The following COLEC10 variants were observed in gnomAD, a reference collection of about 807,000 sequenced individuals.
The protein encoded by COLEC10 is collectin-10.
A neutral mutation model predicts 28.4 loss-of-function variants in COLEC10; 22 were observed. The ratio of observed to expected loss-of-function variants is 0.78; its 90% confidence interval spans 0.55 to 1.11. The LOEUF is 1.11. COLEC10 is among the 50% of genes least tolerant of loss of function. COLEC10 has a pLI of 0.00. For missense variants in COLEC10, 361 were observed against 344.1 expected, an observed-to-expected ratio of 1.05 and a Z score of -0.39; for synonymous variants, 125 against 116.1, an observed-to-expected ratio of 1.08 and a Z score of -0.49.
the COLEC10 span, among the ~76,000 whole-genome samples, chr8:118,965,363 A>G: frequency 2.0e-5 from 3 of 152,238 alleles, no homozygotes; most frequent in South Asian, 6.2e-4. Context: ...GATGACTGTC[A>G]AATCTCTTGG....
intron 1 of COLEC10, among the ~76,000 whole-genome samples, chr8:119,070,014 G>T (rs1485300): frequency 3.9e-4 from 60 of 152,020 alleles, no homozygotes; most frequent in Non-Finnish European, 5.9e-4. Context: ...TTGCAGAATG[G>T]CATTTGTGAA....
chr8:119,020,206 G>A (rs896919201), intron 2 of COLEC10, among the ~76,000 whole-genome samples: 17 of 152,144 alleles, frequency 1.1e-4, no homozygotes, highest in Middle Eastern at 6.8e-3. Flanking sequence ...ACGTTCCCTA[G>A]GGCCTAGTAT....
At chr8:119,093,685 G>T (rs938267539) in intron 3 of COLEC10, among the ~76,000 whole-genome samples, 3 of 152,176 alleles carry the variant, frequency 2.0e-5, no homozygotes, top group African/African-American at 4.8e-5. Context: ...CCCTAACAAG[G>T]CTTTTAAGAC....
intron 2 of COLEC10, among the ~76,000 whole-genome samples, chr8:119,019,220 A>G (rs939932260): frequency 6.6e-6 from 1 of 152,176 alleles, no homozygotes; most frequent in South Asian, 2.1e-4. Context: ...GCTTGAGTTG[A>G]AACAATATTC....
At chr8:118,961,860 A>G in the COLEC10 span, among the ~76,000 whole-genome samples, 1 of 152,206 alleles carries the variant, frequency 6.6e-6, no homozygotes, top group African/African-American at 2.4e-5. Context: ...ATATTTTTTA[A>G]TGCCCTACTC....
chr8:119,043,098 C>G (rs969121319), intron 2 of COLEC10, among the ~76,000 whole-genome samples: 13 of 152,098 alleles, frequency 8.5e-5, no homozygotes, highest in African/African-American at 3.1e-4. Flanking sequence ...GTGCCTGTGA[C>G]ACATGCAGAA....
chr8:119,043,159 A>T (rs2130158854), intron 2 of COLEC10, among the ~76,000 whole-genome samples: 1 of 152,338 alleles, frequency 6.6e-6, no homozygotes, highest in African/African-American at 2.4e-5. Context: ...TTATTAAACT[A>T]GATAAGGATC....
At chr8:119,015,089 G>T (rs894608034) in intron 2 of COLEC10, among the ~76,000 whole-genome samples, 11 of 150,968 alleles carry the variant, frequency 7.3e-5, no homozygotes, top group Non-Finnish European at 1.5e-4. Context: ...TGTTTTAACT[G>T]TTTCTTCAAA....
the COLEC10 span, among the ~76,000 whole-genome samples, chr8:118,962,906 T>G: frequency 1.3e-5 from 2 of 152,252 alleles, no homozygotes; most frequent in Non-Finnish European, 2.9e-5. Context: ...CATTCTCATA[T>G]TCAGTTAACA....
chr8:118,962,362 A>T, the COLEC10 span, among the ~76,000 whole-genome samples: 3 of 152,218 alleles, frequency 2.0e-5, no homozygotes, highest in Non-Finnish European at 4.4e-5. Flanking sequence ...CGTCTAGTGT[A>T]TTCATCACCA....
At chr8:119,010,777 G>A (rs1018438644) in intron 2 of COLEC10, among the ~76,000 whole-genome samples, 1 of 150,980 alleles carries the variant, frequency 6.6e-6, no homozygotes, top group African/African-American at 2.5e-5. Context: ...CTTTTCATAT[G>A]GTAATTTGCC....
rs186408874 is a variant in COLEC10, at chr8:119,031,337, C to G, written n.235+21784C>G. Reference sequence around the variant, plus strand: ...ATCAACCCTCTGGCCAAGAAAATGACAATTACAGGAGGAAAGAGACAAGTA... The same window carrying G: ...ATCAACCCTCTGGCCAAGAAAATGAGAATTACAGGAGGAAAGAGACAAGTA... On this transcript the variant is annotated intron_variant and non_coding_transcript_variant, in intron 2 of 6. Transcript: ENST00000521788. Among the ~76,000 whole-genome samples the G allele has an allele frequency of 2.6e-3, 390 of 152,144 alleles. 3 individuals carry two copies. The highest frequency in any genetic ancestry group is 9.1e-3 in the African/African-American group (376 of 41,510).
intron 2 of COLEC10, among the ~76,000 whole-genome samples, chr8:119,020,851 T>C (rs979961246): frequency 6.6e-6 from 1 of 152,176 alleles, no homozygotes; most frequent in African/African-American, 2.4e-5. Flanking sequence ...TATTATGCTA[T>C]ATTTAAATTT....
chr8:119,034,909 A>G (rs533652947), intron 2 of COLEC10, among the ~76,000 whole-genome samples: 16 of 152,190 alleles, frequency 1.1e-4, no homozygotes, highest in Non-Finnish European at 2.2e-4. Flanking sequence ...ATGCAATAAT[A>G]TAGGTATTTA....
At chr8:119,096,698 A>G (rs1240177416) in intron 3 of COLEC10, among the ~76,000 whole-genome samples, 1 of 152,156 alleles carries the variant, frequency 6.6e-6, no homozygotes. Context: ...TGTATTCAAT[A>G]AAGGGCTTAC....
chr8:119,103,834 T>G lies in COLEC10; in HGVS notation c.381T>G (p.Phe127Leu). The change falls in exon 5 of 6, where the codon TTT becomes TTG. Residue 127 changes from phenylalanine (F) to leucine (L), a missense_variant. Transcript: ENST00000332843. ...GTGATTGTGGAAGATACCGGAAATT[T>G]GTTGGACAACTGGATATTAGTATTG... ...TVCDCGRYRK[F>L]VGQLDISIAR... is the part of the protein sequence containing the mutation. 1 of 1,612,946 alleles carries G rather than the reference T, an allele frequency of 6.2e-7. No individual in the cohort carries two copies. Among genetic ancestry groups the G allele is most frequent in the Non-Finnish European group, 8.5e-7 (1 of 1,179,156 alleles).
chr8:119,106,000 G>C lies in COLEC10; in HGVS notation c.643G>C (p.Glu215Gln). Residue 215 changes from glutamate to glutamine, a missense_variant, in exon 6 of 6, where the codon GAA (glutamate) becomes CAA (glutamine). This residue lies in a region of COLEC10 where 335 missense variants were observed against 308.5 expected (regional missense o/e 1.09). Transcript: ENST00000332843. ...FRVFIGVNDLEREGQYMFTDN... is the reference protein window; with the variant it reads ...FRVFIGVNDLQREGQYMFTDN... ...GGTGTTCATTGGCGTGAATGACCTTGAAAGGGAGGGACAGTACATGTTCAC... is the reference window on the plus strand; with the variant it reads ...GGTGTTCATTGGCGTGAATGACCTTCAAAGGGAGGGACAGTACATGTTCAC... 6.2e-7 allele frequency: 1 copy of C among 1,613,812 alleles called. No homozygotes were observed. Among genetic ancestry groups the C allele is most frequent in the Non-Finnish European group, 8.5e-7 (1 of 1,179,876 alleles).
chr8:119,099,100 A>G (rs2130299385), intron 3 of COLEC10, among the ~76,000 whole-genome samples: 1 of 152,220 alleles, frequency 6.6e-6, no homozygotes. Context: ...TTTAAGGTCA[A>G]TAATCCATTT....
chr8:119,037,391 A>T (rs904012547), intron 2 of COLEC10, among the ~76,000 whole-genome samples: 1 of 152,304 alleles, frequency 6.6e-6, no homozygotes, highest in Admixed American at 6.5e-5. Context: ...GCCAGAAAAA[A>T]GTTTATTTCT....
Sources: allele counts gnomAD v4.1 joint callset (sites outside exome capture counted in the v4.1 genomes callset), GRCh38; gene constraint gnomAD v4.1.1; regional missense constraint gnomAD v4.1.1; transcripts MANE v1.5; gene names NCBI Gene and HGNC (gene_info 2026-07-23, HGNC 2026-07-21).